The following SP140 variants were observed in gnomAD, a reference collection of about 807,000 sequenced individuals.
SP140 encodes SP140 nuclear body protein.
SP140 carries 81 observed loss-of-function variants against 125.0 expected under a neutral mutation model. The observed-to-expected ratio is 0.65, with a 90% CI of 0.54 to 0.78. SP140 has a LOEUF of 0.78. Among genes scored for constraint, SP140 ranks in the 30% least tolerant of loss-of-function variants. The pLI is 0.00. For synonymous variants in SP140, 312 were observed against 354.0 expected, an observed-to-expected ratio of 0.88 and a Z score of 1.33; for missense variants, 858 against 1,037.0, an observed-to-expected ratio of 0.83 and a Z score of 2.37.
chr2:230,315,769 T>C, downstream of SP140, among the ~76,000 whole-genome samples: 1 of 151,996 alleles, frequency 6.6e-6, no homozygotes, highest in East Asian at 1.9e-4. Context: ...GAGGCAGGGG[T>C]TGTTACCCCA....
chr2:230,308,340 A>C (rs928134188), intron 22 of SP140, among the ~76,000 whole-genome samples: 4 of 152,054 alleles, frequency 2.6e-5, no homozygotes, highest in Non-Finnish European at 5.9e-5. Context: ...CCACTAAAAA[A>C]ATTATCCATG....
the SP140 span, chr2:230,186,201 C>T: frequency 1.3e-6 from 2 of 1,561,788 alleles, no homozygotes; most frequent in East Asian, 2.3e-5. Flanking sequence ...TTCCCAGCCC[C>T]TACCCTTTCA....
chr2:230,282,049 G>C (rs143309498), intron 15 of SP140, among the ~76,000 whole-genome samples: 65 of 152,228 alleles, frequency 4.3e-4, no homozygotes, highest in Non-Finnish European at 7.2e-4. Context: ...GCTTCACTGA[G>C]GAAACCTATG....
chr2:230,258,722 C>T (rs1460096034), intron 12 of SP140, among the ~76,000 whole-genome samples: 3 of 151,992 alleles, frequency 2.0e-5, no homozygotes, highest in East Asian at 1.9e-4. Flanking sequence ...AATTGTTGGC[C>T]GAAGATTCAT....
At chr2:230,216,644 C>T in intron 3 of SP140, 3 of 1,035,502 alleles carry the variant, frequency 2.9e-6, no homozygotes, top group Non-Finnish European at 4.5e-6. Context: ...TAACTACCCC[C>T]ACCTTCTGTG....
Position 230,303,086 on chromosome 2 carries a change from C to CA in SP140, c.2058+5632dup, listed in dbSNP as rs981205057. Among the ~76,000 whole-genome samples the CA allele has an allele frequency of 6.6e-4, 100 of 150,928 alleles. 1 individual carries two copies. Among genetic ancestry groups the CA allele is most frequent in the African/African-American group, 2.1e-3 (88 of 41,162 alleles). On this transcript the variant is annotated intron_variant, in intron 22 of 26. Transcript: ENST00000392045. The stretch of plus-strand genomic sequence containing the variant: ...AGAGAAGAACTAAATGAAATTGAAA[C>CA]AAAAAAAATACAAAAGATATATGAA...
chr2:230,211,676 G>A lies in SP140; in HGVS notation c.-322-1978G>A. The A allele has an allele frequency of 1.4e-6, 1 of 717,334 alleles. No homozygotes were observed. The highest frequency in any genetic ancestry group is 2.5e-6 in the Non-Finnish European group (1 of 393,476). The allele number at this position is 717,334 out of a possible 1,614,324, so 44.4% of individuals were successfully genotyped here. ...CGGGGTAACAGCAACCAAGGCCTGG[G>A]AAAGGATGGCATAGAGTGGGAAAGT... On this transcript the variant is annotated intron_variant, in intron 1 of 4. Transcript: ENST00000456542. This position sits in a 1 kb window ranked among gnomAD's most constrained non-coding sequence, Gnocchi z 4.2.
chr2:230,284,297 A>T (rs769908970), intron 15 of SP140, 49 bp from the exon 16 acceptor site: 5 of 1,520,092 alleles, frequency 3.3e-6, no homozygotes, highest in Non-Finnish European at 3.6e-6. Flanking sequence ...AACTCAGAGA[A>T]TTATATTTAT....
upstream of SP140, among the ~76,000 whole-genome samples, chr2:230,223,833 C>A (rs1331624035): frequency 6.6e-6 from 1 of 152,194 alleles, no homozygotes; most frequent in Non-Finnish European, 1.5e-5. Context: ...GAAGAGAAAT[C>A]TTCCAGGTAG....
intron 7 of SP140, among the ~76,000 whole-genome samples, chr2:230,247,016 A>T (rs2049551785): frequency 6.6e-6 from 1 of 152,172 alleles, no homozygotes; most frequent in South Asian, 2.1e-4. Flanking sequence ...CCCAAGAATG[A>T]GACATGTTAG....
chr2:230,285,681 G>T (rs1402318501), intron 16 of SP140, 71 bp from the exon 17 acceptor site: 1 of 1,278,932 alleles, frequency 7.8e-7, no homozygotes. Context: ...TCCCTCACTT[G>T]CGTTTGTTCC....
intron 12 of SP140, among the ~76,000 whole-genome samples, chr2:230,265,800 C>T (rs554022723): frequency 4.7e-5 from 7 of 150,218 alleles, no homozygotes; most frequent in African/African-American, 1.7e-4. Context: ...CGGGGGGGGG[C>T]GGTCTCCTGG....
upstream of SP140, among the ~76,000 whole-genome samples, chr2:230,221,007 G>A (rs2045768562): frequency 6.6e-6 from 1 of 151,714 alleles, no homozygotes; most frequent in Admixed American, 6.6e-5. Context: ...TTTGGGCCAG[G>A]CTCGGTGGCT....
At chr2:230,236,264 G>A (rs769625378) in intron 1 of SP140, among the ~76,000 whole-genome samples, 2 of 152,180 alleles carry the variant, frequency 1.3e-5, no homozygotes, top group Non-Finnish European at 2.9e-5. Context: ...TGCAGTTACA[G>A]ATGGAGGAGA....
intron 15 of SP140, among the ~76,000 whole-genome samples, chr2:230,271,667 T>C (rs1336743820): frequency 6.6e-6 from 1 of 152,110 alleles, no homozygotes; most frequent in Non-Finnish European, 1.5e-5. Context: ...TTTTGCTAAT[T>C]ATAGTAAAAT....
intron 22 of SP140, among the ~76,000 whole-genome samples, chr2:230,298,930 T>A (rs147345629): frequency 1.1e-3 from 164 of 152,324 alleles, no homozygotes; most frequent in Middle Eastern, 0.01. Flanking sequence ...ACCCAGTGAT[T>A]CAGAATCTCT....
chr2:230,307,984 T>C lies in SP140; in HGVS notation c.2059-1940T>C, dbSNP rs1007231353. 2.2e-4 allele frequency among the ~76,000 whole-genome samples: 20 copies of C among 89,052 alleles called. 3 individuals are homozygous for C. The highest frequency in any genetic ancestry group is 2.8e-4 in the African/African-American group (6 of 21,360). The allele number at this position is 89,052 out of a possible 152,430, so 58.4% of individuals were successfully genotyped here. On this transcript the variant is annotated intron_variant, in intron 22 of 26. Coordinates refer to ENST00000392045, the MANE Select transcript of SP140 (RefSeq NM_007237.5). ...ATATATATATATATATATATATATATATATATACACACACACACACACACA... is the reference window on the plus strand; with the variant it reads ...ATATATATATATATATATATATATACATATATACACACACACACACACACA...
rs549756916 is a variant in SP140 at position 230,217,668 on chromosome 2, C to T, written c.-91+3594C>T. 1.2e-4 allele frequency among the ~76,000 whole-genome samples: 18 copies of T among 152,166 alleles called. 1 individual carries two copies. Among genetic ancestry groups the T allele is most frequent in the African/African-American group, 4.3e-4 (18 of 41,514 alleles). On this transcript the variant is annotated intron_variant, in intron 3 of 4. Coordinates refer to the SP140 transcript ENST00000456542. ...GACACAGAAATGTTTAATAACTTGCCCCAGGGTTGCACAACTAGAGAGTGG... is the reference window on the plus strand; with the variant it reads ...GACACAGAAATGTTTAATAACTTGCTCCAGGGTTGCACAACTAGAGAGTGG...
chr2:230,244,784 C>G (rs2049186020), intron 5 of SP140, among the ~76,000 whole-genome samples: 1 of 151,802 alleles, frequency 6.6e-6, no homozygotes, highest in Non-Finnish European at 1.5e-5. Context: ...GTGTGGTAAC[C>G]AAAAAGTGAG....
Sources: allele counts gnomAD v4.1 joint callset (sites outside exome capture counted in the v4.1 genomes callset), GRCh38; gene constraint gnomAD v4.1.1; non-coding constraint Gnocchi (gnomAD v3.1); transcripts MANE v1.5; gene names NCBI Gene and HGNC (gene_info 2026-07-23, HGNC 2026-07-21).